Variants in LINGO3 observed in about 807,000 individuals in gnomAD.
The protein encoded by LINGO3 is leucine rich repeat and Ig domain containing 3, also known as leucine-rich repeat and immunoglobulin-like domain-containing nogo receptor-interacting protein 3.
For synonymous variants in LINGO3, 427 were observed against 444.2 expected, an observed-to-expected ratio of 0.96 and a Z score of 0.49; for missense variants, 750 against 867.7, an observed-to-expected ratio of 0.86 and a Z score of 1.70.
upstream of LINGO3, among the ~76,000 whole-genome samples, chr19:2,294,193 G>A (rs2025553329): frequency 6.6e-6 from 1 of 152,174 alleles, no homozygotes; most frequent in Non-Finnish European, 1.5e-5. This position sits in a 1 kb window ranked among gnomAD's most constrained non-coding sequence, Gnocchi z 4.3. Flanking sequence ...AACGACTCCT[G>A]TCCTTACAAC....
upstream of LINGO3, among the ~76,000 whole-genome samples, chr19:2,295,318 T>G (rs1241169121): frequency 6.6e-6 from 1 of 152,020 alleles, no homozygotes; most frequent in Non-Finnish European, 1.5e-5. Flanking sequence ...ACAAGTCAAG[T>G]GACACCAGGG....
upstream of LINGO3, among the ~76,000 whole-genome samples, chr19:2,293,293 T>A (rs1455649478): frequency 6.6e-6 from 1 of 151,790 alleles, no homozygotes; most frequent in Non-Finnish European, 1.5e-5. Context: ...CTCGATCTCC[T>A]GACCTCGTGA....
chr19:2,289,690 A>C, downstream of LINGO3: 11 of 308,442 alleles, frequency 3.6e-5, no homozygotes, highest in South Asian at 1.5e-4. Context: ...GAGCGCCCCC[A>C]GCCACCCCGG....
the LINGO3 span, among the ~76,000 whole-genome samples, chr19:2,303,338 G>A: frequency 1.6e-5 from 2 of 127,576 alleles, no homozygotes; most frequent in East Asian, 2.2e-4. Flanking sequence ...GCTGAGGAGC[G>A]GAGCTAGCAG....
chr19:2,290,914 C>G lies in LINGO3; in HGVS notation c.863G>C (p.Gly288Ala), dbSNP rs2025512880. Residue 288 changes from glycine (G) to alanine (A), a missense_variant, in exon 1 of 1, where the codon GGG (glycine) becomes GCG (alanine). Transcript: ENST00000585527. This position sits in a 1 kb window ranked among gnomAD's most constrained non-coding sequence, Gnocchi z 6.0. ...CAGGCGGACCAGGTCCCGGAACGAC[C>G]CCCGCGGCACCGTGCTGATGGGGTT... The G allele has an allele frequency of 1.9e-6, 3 of 1,611,510 alleles. No individual in the cohort carries two copies. The highest frequency in any genetic ancestry group is 2.5e-6 in the Non-Finnish European group (3 of 1,179,280).
rs1393140480 is a variant in LINGO3, at chr19:2,290,905, C to T, written c.872G>A (p.Arg291Gln). The change falls in exon 1 of 1, where the codon CGG (arginine) becomes CAG (glutamine). Residue 291 changes from arginine to glutamine, a missense_variant. Transcript: ENST00000585527. The surrounding 1 kb of genome is among the most constrained non-coding windows in gnomAD (Gnocchi z 6.0). ...CAGCTCGCGCAGGCGGACCAGGTCC[C>T]GGAACGACCCCCGCGGCACCGTGCT... 4.3e-6 allele frequency: 7 copies of T among 1,611,206 alleles called. No homozygotes were observed. The highest frequency in any genetic ancestry group is 2.2e-5 in the East Asian group (1 of 44,814).
At chr19:2,294,360 A>G (rs755271219), upstream of LINGO3, among the ~76,000 whole-genome samples, 42 of 152,062 alleles carry the variant, frequency 2.8e-4, no homozygotes, top group Non-Finnish European at 5.4e-4. The surrounding 1 kb of genome is among the most constrained non-coding windows in gnomAD (Gnocchi z 4.3). Context: ...GGGAGCTTCC[A>G]GAGGGCCCCC....
chr19:2,291,827 G>A lies in LINGO3; in HGVS notation c.-51C>T, dbSNP rs748370587. 7.5e-5 allele frequency: 106 copies of A among 1,417,786 alleles called. No individual in the cohort carries two copies. Among genetic ancestry groups the A allele is most frequent in the Non-Finnish European group, 8.5e-5 (90 of 1,062,500 alleles). The allele number at this position is 1,417,786 out of a possible 1,614,324, so 87.8% of individuals were successfully genotyped here. ...CGCCACCATCCTCCTGCGCACCTGCGGGCGGGCGGGGAGCGGGCAGCGTTA... is the reference window on the plus strand; with the variant it reads ...CGCCACCATCCTCCTGCGCACCTGCAGGCGGGCGGGGAGCGGGCAGCGTTA... On this transcript the variant is annotated 5_prime_UTR_variant, in exon 1 of 1. Coordinates refer to ENST00000585527, the Ensembl canonical transcript of LINGO3.
chr19:2,292,991 G>A (rs372537444), upstream of LINGO3, among the ~76,000 whole-genome samples: 7 of 152,192 alleles, frequency 4.6e-5, no homozygotes, highest in Admixed American at 3.3e-4. Context: ...CCAGGCCACG[G>A]TGGGGATGCA....
upstream of LINGO3, among the ~76,000 whole-genome samples, chr19:2,292,442 G>A (rs532995352): frequency 3.6e-4 from 52 of 145,828 alleles, no homozygotes; most frequent in Middle Eastern, 4.0e-3. Flanking sequence ...TTGATCCACC[G>A]TGTGGCTGCA....
At chr19:2,287,619 G>A (rs2025479498), downstream of LINGO3, among the ~76,000 whole-genome samples, 1 of 152,182 alleles carries the variant, frequency 6.6e-6, no homozygotes, top group Non-Finnish European at 1.5e-5. This position sits in a 1 kb window ranked among gnomAD's most constrained non-coding sequence, Gnocchi z 4.5. Flanking sequence ...AAGCCTTCAG[G>A]GCTGAGCCAG....
chr19:2,296,105 A>G (rs1457098948), upstream of LINGO3, among the ~76,000 whole-genome samples: 2 of 152,150 alleles, frequency 1.3e-5, no homozygotes, highest in African/African-American at 2.4e-5. Flanking sequence ...CCCTCCCAGC[A>G]CTGTTTTTCT....
At chr19:2,288,124 C>T (rs1025618038), downstream of LINGO3, among the ~76,000 whole-genome samples, 1 of 152,208 alleles carries the variant, frequency 6.6e-6, no homozygotes, top group Non-Finnish European at 1.5e-5. This position sits in a 1 kb window ranked among gnomAD's most constrained non-coding sequence, Gnocchi z 6.5. Context: ...CCACCATCTG[C>T]AGAGCAACCG....
chr19:2,288,704 T>C (rs1046580509), downstream of LINGO3, among the ~76,000 whole-genome samples: 3 of 152,100 alleles, frequency 2.0e-5, no homozygotes, highest in African/African-American at 7.2e-5. The surrounding 1 kb of genome is among the most constrained non-coding windows in gnomAD (Gnocchi z 6.5). Flanking sequence ...TGTGGACCCC[T>C]GACTGTGACC....
chr19:2,299,793 G>A, the LINGO3 span, among the ~76,000 whole-genome samples: 1 of 141,306 alleles, frequency 7.1e-6, no homozygotes, highest in Admixed American at 7.5e-5. Context: ...GTGCGATCTC[G>A]GCTCACTGCA....
Position 2,290,318 on chromosome 19 carries a change from C to T in LINGO3, c.1459G>A (p.Gly487Ser), listed in dbSNP as rs1599163416. 16 of 1,560,016 alleles carry T rather than the reference C, an allele frequency of 1.0e-5. No individual in the cohort carries two copies. Among genetic ancestry groups the T allele is most frequent in the Non-Finnish European group, 1.4e-5 (16 of 1,159,796 alleles). ...AGCGTGGCGAAGTAGGTGTCGTTGC[C>T]GCCCGCGTTGCTGGCCACGCACGTG... The change falls in exon 1 of 1, where the codon GGC (glycine) becomes AGC (serine). Residue 487 changes from glycine (G) to serine (S), a missense_variant. Transcript: ENST00000585527. The surrounding 1 kb of genome is among the most constrained non-coding windows in gnomAD (Gnocchi z 6.0).
At chr19:2,303,189 C>G in the LINGO3 span, among the ~76,000 whole-genome samples, 1 of 152,360 alleles carries the variant, frequency 6.6e-6, no homozygotes, top group Non-Finnish European at 1.5e-5. Context: ...CGAATTGGCC[C>G]GTCTGGACAT....
At chr19:2,299,189 C>T in the LINGO3 span, among the ~76,000 whole-genome samples, 1 of 152,194 alleles carries the variant, frequency 6.6e-6, no homozygotes, top group Non-Finnish European at 1.5e-5. Context: ...ACTCGACGGC[C>T]TGGCCCTGTC....
Position 2,290,515 on chromosome 19 carries a change from G to T in LINGO3, c.1262C>A (p.Ala421Glu), listed in dbSNP as rs1343054102. ...GCAGAGGAAGCGGACGTCTTCGCCC[G>T]CGGTGGCCGTGACGCGCTGCAGCCG... The change falls in exon 1 of 1, where the codon GCG becomes GAG. Residue 421 changes from alanine to glutamate, a missense_variant. Coordinates refer to ENST00000585527, the Ensembl canonical transcript of LINGO3. The surrounding 1 kb of genome is among the most constrained non-coding windows in gnomAD (Gnocchi z 6.0). 2 of 1,506,296 alleles carry T rather than the reference G, an allele frequency of 1.3e-6. No individual in the cohort carries two copies. Among genetic ancestry groups the T allele is most frequent in the African/African-American group, 1.4e-5 (1 of 70,234 alleles). 93.3% of individuals were successfully genotyped at this position (1,506,296 alleles called of 1,614,324 possible). A position where few individuals can be genotyped will look rare whatever the true frequency, so the allele number is the denominator to read the frequency against.
Sources: gnomAD v4.1 joint callset for allele counts (sites outside exome capture counted in the v4.1 genomes callset) on GRCh38, gnomAD v4.1.1 for gene constraint, Gnocchi (gnomAD v3.1) non-coding constraint, MANE v1.5 for transcripts, NCBI Gene and HGNC (gene_info 2026-07-23, HGNC 2026-07-21) for gene names.